AHRR: variants seen among roughly 807,000 people sequenced by gnomAD.
AHRR encodes ahR repressor.
Under a neutral mutation model 44.0 loss-of-function variants are expected in AHRR, and 28 were observed. The ratio of observed to expected loss-of-function variants is 0.64; its 90% CI spans 0.47 to 0.87. The LOEUF (loss-of-function observed/expected upper bound fraction) is 0.87. Ranked by LOEUF, AHRR falls within the 40% of genes least tolerant of loss-of-function variation. The pLI, the probability that AHRR is intolerant of heterozygous loss-of-function variation, is 0.00. For synonymous variants in AHRR, 434 were observed against 407.0 expected, an observed-to-expected ratio of 1.07 and a Z score of -0.80; for missense variants, 990 against 953.9, an observed-to-expected ratio of 1.04 and a Z score of -0.50.
chr5:346,230 A>G (rs2126377024), intron 2 of AHRR, among the ~76,000 whole-genome samples: 1 of 152,358 alleles, frequency 6.6e-6, no homozygotes, highest in Admixed American at 6.5e-5. Context: ...TTTCTAGTTT[A>G]TTCGTAAAAT....
chr5:434,330 T>C lies in AHRR; in HGVS notation c.1590T>C (p.Asp530=). Residue 530 remains aspartate, a synonymous_variant, in exon 11 of 11, where the codon GAT becomes GAC. Transcript: ENST00000684583. The stretch of plus-strand genomic sequence containing the variant: ...TGTGTGGTCCGACGCTGCTGCTAGA[T>C]GTGTCCATCAAGATGGAGAAGGACT... ...GDLCGPTLLL[D]VSIKMEKDSG... 2 of 1,612,608 alleles carry C rather than the reference T, an allele frequency of 1.2e-6. No individual in the cohort carries two copies. Among genetic ancestry groups the C allele is most frequent in the Non-Finnish European group, 1.7e-6 (2 of 1,179,420 alleles).
chr5:428,654 A>G (rs886960069), intron 8 of AHRR, among the ~76,000 whole-genome samples: 1 of 152,256 alleles, frequency 6.6e-6, no homozygotes, highest in Non-Finnish European at 1.5e-5. Flanking sequence ...CTCACTATGC[A>G]TTTCATTTCT....
At chr5:400,142 C>T (rs949411346) in intron 4 of AHRR, among the ~76,000 whole-genome samples, 9 of 152,336 alleles carry the variant, frequency 5.9e-5, no homozygotes, top group African/African-American at 1.9e-4. Flanking sequence ...CCCTTTACTC[C>T]GAGGAGGGGC....
rs1229367144 is a variant in AHRR, at chr5:411,125, T to G, written c.352-2219T>G. Among the ~76,000 whole-genome samples the G allele has an allele frequency of 1.3e-5, 2 of 152,180 alleles. No homozygotes were observed. Among genetic ancestry groups the G allele is most frequent in the Non-Finnish European group, 2.9e-5 (2 of 68,036 alleles). On this transcript the variant is annotated intron_variant, in intron 4 of 10. Transcript: ENST00000684583. The surrounding 1 kb of genome is among the most constrained non-coding windows in gnomAD (Gnocchi z 4.2). ...TTAATGGCCTTTATTATTTGACTGT[T>G]CTAAACCATTTTCATGGATTTTTGA...
intron 4 of AHRR, among the ~76,000 whole-genome samples, chr5:377,924 C>T (rs768334160): frequency 6.6e-5 from 10 of 152,202 alleles, no homozygotes; most frequent in African/African-American, 2.4e-4. Context: ...ACACTGTGGC[C>T]CTCCTGCTGC....
intron 3 of AHRR, among the ~76,000 whole-genome samples, chr5:374,280 GCTCGGGGT>G (rs1385392179): frequency 1.3e-5 from 2 of 152,240 alleles, no homozygotes; most frequent in Non-Finnish European, 2.9e-5. Flanking sequence ...CTCTCCTCGG[GCTCGGGGT>G]CAGCTGCTGG....
In AHRR at chr5:433,905, G is replaced by C; in HGVS notation, c.1165G>C (p.Gly389Arg). 6.6e-7 allele frequency: 1 copy of C among 1,522,648 alleles called. No homozygotes were observed. The highest frequency in any genetic ancestry group is 8.8e-7 in the Non-Finnish European group (1 of 1,136,554). The allele number at this position is 1,522,648 out of a possible 1,614,324, so 94.3% of individuals were successfully genotyped here. A position where few individuals can be genotyped will look rare whatever the true frequency, so the allele number is the denominator to read the frequency against. Residue 389 changes from glycine to arginine, a missense_variant, in exon 11 of 11, where the codon GGG becomes CGG. Gly to Arg is a moderately radical substitution (Grantham distance 125, BLOSUM62 -2). Coordinates refer to ENST00000684583, the MANE Select transcript of AHRR (RefSeq NM_001377236.1). ...GCTGAGCAGGGCCTCTGGAGTGACAGGGCGGAGGGAGACTCCAGGACCCAC... is the reference window on the plus strand; with the variant it reads ...GCTGAGCAGGGCCTCTGGAGTGACACGGCGGAGGGAGACTCCAGGACCCAC... ...RMLSRASGVT[G>R]RRETPGPTKP...
intron 5 of AHRR, chr5:421,122 T>G (rs1165916739): frequency 1.8e-6 from 1 of 555,496 alleles, no homozygotes; most frequent in African/African-American, 2.0e-5. Flanking sequence ...GCTGGAGCGT[T>G]CGCGCCTTAA....
chr5:345,955 T>C (rs1159445756), intron 2 of AHRR, among the ~76,000 whole-genome samples: 3 of 152,162 alleles, frequency 2.0e-5, no homozygotes, highest in Non-Finnish European at 4.4e-5. Context: ...AGGCTGCAGT[T>C]TGCGGCCAAG....
In AHRR at chr5:397,443, A is replaced by G. The variant is rs1485810003; in HGVS notation, c.352-15901A>G. 8.8e-5 allele frequency among the ~76,000 whole-genome samples: 8 copies of G among 91,064 alleles called. No homozygotes were observed. The Admixed American group carries it at 9.8e-4, about 11-fold the overall frequency. The allele number at this position is 91,064 out of a possible 152,430, so 59.7% of individuals were successfully genotyped here. On this transcript the variant is annotated intron_variant, in intron 4 of 10. Transcript: ENST00000684583. ...CCCCTGACCATCCACGTAGCTCCTG[A>G]CCATCCATGTTAGCCCCTGACCATC...
intron 3 of AHRR, among the ~76,000 whole-genome samples, chr5:359,850 T>C (rs1489780783): frequency 6.6e-6 from 1 of 152,210 alleles, no homozygotes; most frequent in East Asian, 1.9e-4. Flanking sequence ...TCTTGAACTC[T>C]GGAATCCCAC....
At position 432,927 on chromosome 5, in the gene AHRR, T is replaced by C. The variant is rs1330642774; in HGVS notation, c.1092T>C (p.Leu364=). ...LCLRGGPDLV[L]DPKGGSGDRE... ...TCCGGGGTGGCCCTGACCTTGTCCTTGACCCCAAGGGGGGCTCAGGGTAAG... is the reference window on the plus strand; with the variant it reads ...TCCGGGGTGGCCCTGACCTTGTCCTCGACCCCAAGGGGGGCTCAGGGTAAG... The change falls in exon 10 of 11, where the codon CTT becomes CTC. Residue 364 remains leucine (L), a synonymous_variant. Transcript: ENST00000684583. 6.2e-7 allele frequency: 1 copy of C among 1,610,710 alleles called. No homozygotes were observed. Among genetic ancestry groups the C allele is most frequent in the Non-Finnish European group, 8.5e-7 (1 of 1,178,478 alleles).
chr5:336,545 C>A (rs1021756550), intron 1 of AHRR, among the ~76,000 whole-genome samples: 1 of 152,072 alleles, frequency 6.6e-6, no homozygotes, highest in Non-Finnish European at 1.5e-5. Context: ...GACACTAGAC[C>A]CTTATCAGAT....
chr5:413,978 C>T (rs1250921976), intron 5 of AHRR, among the ~76,000 whole-genome samples: 5 of 152,212 alleles, frequency 3.3e-5, no homozygotes, highest in Non-Finnish European at 5.9e-5. Flanking sequence ...TAAAAAATCC[C>T]ACCCAGCCGG....
At chr5:412,865 C>T (rs1380090845) in intron 4 of AHRR, among the ~76,000 whole-genome samples, 1 of 151,920 alleles carries the variant, frequency 6.6e-6, no homozygotes, top group African/African-American at 2.4e-5. Context: ...GGACTACAGT[C>T]GCACACCACC....
intron 2 of AHRR, among the ~76,000 whole-genome samples, chr5:351,082 TA>T (rs1742842664): frequency 6.6e-6 from 1 of 152,042 alleles, no homozygotes; most frequent in Admixed American, 6.6e-5. Flanking sequence ...AGAATGGCTG[TA>T]ATCAAAAAAA....
intron 4 of AHRR, among the ~76,000 whole-genome samples, chr5:377,855 C>T (rs1396644189): frequency 1.3e-5 from 2 of 152,196 alleles, no homozygotes; most frequent in African/African-American, 4.8e-5. Context: ...GGGGACTCTC[C>T]AAGAAGACTT....
At chr5:400,202 C>T (rs1734955078) in intron 4 of AHRR, among the ~76,000 whole-genome samples, 1 of 152,170 alleles carries the variant, frequency 6.6e-6, no homozygotes, top group African/African-American at 2.4e-5. Context: ...TTTCCCTCTG[C>T]CATGACCTTG....
At chr5:346,787 C>T (rs1742692788) in intron 2 of AHRR, among the ~76,000 whole-genome samples, 1 of 152,218 alleles carries the variant, frequency 6.6e-6, no homozygotes, top group African/African-American at 2.4e-5. Context: ...CACATCCCCC[C>T]GCGGGACCTG....
Sources: allele counts gnomAD v4.1 joint callset (sites outside exome capture counted in the v4.1 genomes callset), GRCh38; gene constraint gnomAD v4.1.1; non-coding constraint Gnocchi (gnomAD v3.1); transcripts MANE v1.5; gene names NCBI Gene and HGNC (gene_info 2026-07-23, HGNC 2026-07-21).